The following TMTC1 variants were observed in gnomAD, a reference collection of about 807,000 sequenced individuals.
TMTC1 encodes protein O-mannosyl-transferase TMTC1.
TMTC1 carries 73 observed loss-of-function variants against 104.8 expected under a neutral mutation model. That is an observed-to-expected ratio of 0.70 (90% CI 0.58 to 0.85). TMTC1 has a LOEUF of 0.85. TMTC1 is among the 40% of genes least tolerant of loss of function. The pLI is 0.00. For synonymous variants in TMTC1, 434 were observed against 428.7 expected (o/e 1.01, Z -0.15); for missense variants, 1,035 against 1,096.1 (o/e 0.94, Z 0.79).
At chr12:29,563,007 T>C (rs1351321911) in intron 9 of TMTC1, among the ~76,000 whole-genome samples, 1 of 152,190 alleles carries the variant, frequency 6.6e-6, no homozygotes, top group Non-Finnish European at 1.5e-5. Context: ...ATTACACCCA[T>C]TATTTCTTCA....
At chr12:29,646,734 A>G (rs1276928272) in intron 5 of TMTC1, among the ~76,000 whole-genome samples, 5 of 152,298 alleles carry the variant, frequency 3.3e-5, no homozygotes, top group Non-Finnish European at 7.4e-5. Flanking sequence ...CTATGAATAT[A>G]TTATAATACA....
intron 11 of TMTC1, among the ~76,000 whole-genome samples, chr12:29,529,231 T>G (rs1284413515): frequency 6.6e-6 from 1 of 152,180 alleles, no homozygotes; most frequent in Non-Finnish European, 1.5e-5. Context: ...TAAACCTTCA[T>G]GGACCCTGGG....
intron 5 of TMTC1, among the ~76,000 whole-genome samples, chr12:29,653,017 T>C (rs1056640985): frequency 1.3e-5 from 2 of 151,944 alleles, no homozygotes; most frequent in African/African-American, 4.8e-5. Context: ...AGCCAAAATC[T>C]TGCCACTGAA....
intron 5 of TMTC1, among the ~76,000 whole-genome samples, chr12:29,669,687 T>A (rs1020720481): frequency 6.6e-6 from 1 of 152,260 alleles, no homozygotes; most frequent in South Asian, 2.1e-4. Context: ...GTTTCTACTA[T>A]AATCTTTTGT....
At chr12:29,519,637 T>A (rs957618007) in intron 12 of TMTC1, 11 of 152,168 alleles carry the variant, frequency 7.2e-5, no homozygotes, top group African/African-American at 2.4e-4. Context: ...CATAGGGTGG[T>A]CACAGAGTTA....
intron 8 of TMTC1, among the ~76,000 whole-genome samples, chr12:29,582,095 ATAAAG>A (rs1225080626): frequency 6.6e-6 from 1 of 152,246 alleles, no homozygotes; most frequent in Non-Finnish European, 1.5e-5. Context: ...TAATACATAA[ATAAAG>A]TAATAGGACA....
chr12:29,540,944 G>T (rs1444598465), intron 10 of TMTC1, among the ~76,000 whole-genome samples: 1 of 151,744 alleles, frequency 6.6e-6, no homozygotes, highest in Non-Finnish European at 1.5e-5. Context: ...GCAGTGAGCC[G>T]AGATCACGCC....
intron 5 of TMTC1, among the ~76,000 whole-genome samples, chr12:29,651,774 T>C (rs1259700478): frequency 6.6e-6 from 1 of 152,158 alleles, no homozygotes; most frequent in East Asian, 1.9e-4. Flanking sequence ...AATTTAGTCT[T>C]GGGTGGCCTA....
At chr12:29,666,213 CT>C in intron 5 of TMTC1, 3 of 420,392 alleles carry the variant, frequency 7.1e-6, no homozygotes, top group East Asian at 7.2e-5. Flanking sequence ...TCTTTTCTTT[CT>C]TTTTTTCTTT....
chr12:29,582,843 T>G (rs1417558002), intron 8 of TMTC1, among the ~76,000 whole-genome samples: 2 of 152,128 alleles, frequency 1.3e-5, no homozygotes, highest in African/African-American at 4.8e-5. Flanking sequence ...ATTGTTTGGG[T>G]GTCAGGTGTG....
intron 6 of TMTC1, among the ~76,000 whole-genome samples, chr12:29,608,864 G>A (rs1007406212): frequency 3.9e-5 from 6 of 152,084 alleles, no homozygotes; most frequent in Admixed American, 1.3e-4. Context: ...TCCTGAAACC[G>A]TCCAGCCTAG....
chr12:29,584,134 G>C (rs1308578399), intron 7 of TMTC1, among the ~76,000 whole-genome samples: 1 of 152,162 alleles, frequency 6.6e-6, no homozygotes, highest in Non-Finnish European at 1.5e-5. Context: ...CGACTCCTGA[G>C]CCTCACAACT....
At chr12:29,644,240 T>C (rs1170647031) in intron 5 of TMTC1, among the ~76,000 whole-genome samples, 2 of 149,556 alleles carry the variant, frequency 1.3e-5, no homozygotes, top group African/African-American at 4.9e-5. Context: ...GAGACTATTA[T>C]TCTAAGTGAA....
At chr12:29,715,987 GTATTATTAT>G (rs140955615) in intron 5 of TMTC1, among the ~76,000 whole-genome samples, 2,138 of 130,092 alleles carry the variant, frequency 0.016, 49 homozygotes, top group African/African-American at 0.053. Context: ...GCCAAACTCA[GTATTATTAT>G]TATTATTATT....
At chr12:29,664,166 G>A (rs753088255) in intron 5 of TMTC1, among the ~76,000 whole-genome samples, 12 of 149,664 alleles carry the variant, frequency 8.0e-5, no homozygotes, top group East Asian at 5.9e-4. Context: ...CAGCCTGGGC[G>A]ACAGAGCGAG....
chr12:29,729,641 G>A (rs192131737), intron 5 of TMTC1, among the ~76,000 whole-genome samples: 34 of 152,274 alleles, frequency 2.2e-4, no homozygotes, highest in Non-Finnish European at 4.4e-4. Flanking sequence ...CCTCTGCTGT[G>A]ACTTCCATGG....
In TMTC1 at chr12:29,745,470, A is replaced by G. The variant is rs574098168; in HGVS notation, c.938+6196T>C. 4.6e-5 allele frequency among the ~76,000 whole-genome samples: 7 copies of G among 152,122 alleles called. No homozygotes were observed. In the East Asian group the frequency reaches 1.4e-3, roughly 29 times the overall value. On this transcript the variant is annotated intron_variant, in intron 5 of 17. Transcript: ENST00000539277. ...AAACCCTGTCTCTACTAAAAATACA[A>G]AAATTAGCCAGGCATGGTGGCACAC... is the stretch of plus-strand genomic sequence containing the variant.
chr12:29,783,566 G>C lies in TMTC1; in HGVS notation c.186C>G (p.Asp62Glu), dbSNP rs528160901. 6.7e-7 allele frequency: 1 copy of C among 1,482,810 alleles called. No homozygotes were observed. Among genetic ancestry groups the C allele is most frequent in the Non-Finnish European group, 8.9e-7 (1 of 1,120,306 alleles). The allele number at this position is 1,482,810 out of a possible 1,614,324, so 91.9% of individuals were successfully genotyped here. ...DDVWAIVNNP[D>E]VRPGAPLRWG... ...AGCGGAGCGGGGCGCCGGGCCGCAC[G>C]TCGGGGTTGTTCACGATCGCCCACA... The change falls in exon 1 of 18, where the codon GAC becomes GAG. Residue 62 changes from aspartate to glutamate, a missense_variant. Physicochemically the swap from Asp to Glu is conservative, Grantham distance 45. Coordinates refer to ENST00000539277, the MANE Select transcript of TMTC1 (RefSeq NM_001193451.2). This position sits in a 1 kb window ranked among gnomAD's most constrained non-coding sequence, Gnocchi z 4.7.
chr12:29,660,065 G>A, intron 5 of TMTC1: 1 of 1,099,604 alleles, frequency 9.1e-7, no homozygotes. Context: ...CCTCTAACAG[G>A]GAATGAAGTC....
Sources: gnomAD v4.1 joint callset for allele counts (sites outside exome capture counted in the v4.1 genomes callset) on GRCh38, gnomAD v4.1.1 for gene constraint, Gnocchi (gnomAD v3.1) non-coding constraint, MANE v1.5 for transcripts, NCBI Gene and HGNC (gene_info 2026-07-23, HGNC 2026-07-21) for gene names.